Variants in CYP2C8 observed in about 807,000 individuals in gnomAD.
CYP2C8 encodes the protein cytochrome P450 2C8.
Under a neutral mutation model 41.3 loss-of-function variants are expected in CYP2C8, and 51 were observed. The observed-to-expected ratio is 1.24, with a 90% CI of 0.99 to 1.56. CYP2C8 has a LOEUF of 1.56. Among genes scored for constraint, CYP2C8 ranks in the 40% most tolerant of loss-of-function variants. CYP2C8 has a pLI of 0.00. For synonymous variants in CYP2C8, 218 were observed against 205.8 expected (o/e 1.06, Z -0.51); for missense variants, 651 against 579.9 (o/e 1.12, Z -1.26).
At chr10:95,050,702 A>G (rs2033196666) in intron 5 of CYP2C8, among the ~76,000 whole-genome samples, 1 of 152,224 alleles carries the variant, frequency 6.6e-6, no homozygotes, top group African/African-American at 2.4e-5. Context: ...GAACCACTGC[A>G]TTATTGGGCT....
At chr10:95,064,037 C>T (rs1453676790) in intron 4 of CYP2C8, among the ~76,000 whole-genome samples, 2 of 152,176 alleles carry the variant, frequency 1.3e-5, no homozygotes, top group Non-Finnish European at 2.9e-5. Flanking sequence ...CAGTCTGCCC[C>T]TACTAGGGGG....
chr10:95,044,024 A>C (rs1318829467), intron 6 of CYP2C8, among the ~76,000 whole-genome samples: 1 of 152,148 alleles, frequency 6.6e-6, no homozygotes, highest in African/African-American at 2.4e-5. Context: ...ACTATCAATC[A>C]CATCTCTTTG....
Position 95,038,914 on chromosome 10 carries a change from A to C in CYP2C8, c.1274T>G (p.Phe425Cys). The C allele has an allele frequency of 6.2e-7, 1 of 1,613,958 alleles. No individual in the cohort carries two copies. The highest frequency in any genetic ancestry group is 8.5e-7 in the Non-Finnish European group (1 of 1,179,802). ...KNGNFKKSDY[F>C]MPFSAGKRIC... is the part of the protein sequence containing the mutation. ...TCTATTACCTGCTGAGAAAGGCATGAAGTAGTCACTTTTCTTAAAGTTGCC... is the reference window on the plus strand; with the variant it reads ...TCTATTACCTGCTGAGAAAGGCATGCAGTAGTCACTTTTCTTAAAGTTGCC... Residue 425 changes from phenylalanine (F) to cysteine (C), a missense_variant, in exon 8 of 9, where the codon TTC (phenylalanine) becomes TGC (cysteine). Phe to Cys is a radical substitution (Grantham distance 205). Coordinates refer to ENST00000371270, the MANE Select transcript of CYP2C8 (RefSeq NM_000770.3).
At position 95,064,980 on chromosome 10, in the gene CYP2C8, T is replaced by A. The variant is rs772156563; in HGVS notation, c.482-20A>T. The A allele has an allele frequency of 5.0e-5, 72 of 1,435,758 alleles. No individual in the cohort carries two copies. The highest frequency in any genetic ancestry group is 3.1e-4 in the South Asian group (17 of 55,080). 88.9% of individuals were successfully genotyped at this position (1,435,758 alleles called of 1,614,324 possible). Reference sequence around the variant, plus strand: ...GTGAAGCTAAAGATTTAAAAATTTTTAAAAAAATTATTAAAAAATAAATAT... The same window carrying A: ...GTGAAGCTAAAGATTTAAAAATTTTAAAAAAAATTATTAAAAAATAAATAT... On this transcript the variant is annotated intron_variant, in intron 3 of 8. Transcript: ENST00000371270.
At chr10:95,051,501 C>T (rs564268144) in intron 5 of CYP2C8, among the ~76,000 whole-genome samples, 228 of 152,036 alleles carry the variant, frequency 1.5e-3, no homozygotes, top group Non-Finnish European at 2.9e-3. Flanking sequence ...TATCTAAGTA[C>T]AAGAAGCTGA....
At chr10:95,060,047 C>A (rs552375939) in intron 4 of CYP2C8, among the ~76,000 whole-genome samples, 5 of 152,170 alleles carry the variant, frequency 3.3e-5, no homozygotes, top group African/African-American at 9.7e-5. Context: ...GTTAATGCAG[C>A]CTTGTAGAAT....
At chr10:95,054,205 G>C (rs1215897104) in intron 5 of CYP2C8, among the ~76,000 whole-genome samples, 1 of 151,840 alleles carries the variant, frequency 6.6e-6, no homozygotes, top group Non-Finnish European at 1.5e-5. Flanking sequence ...TAAGGATTAT[G>C]TGCCATAACT....
rs373001219 is a variant in CYP2C8 at position 95,069,396 on chromosome 10, G to T, written c.7C>A (p.Pro3Thr). The T allele has an allele frequency of 8.1e-6, 13 of 1,614,058 alleles. No homozygotes were observed. The highest frequency in any genetic ancestry group is 1.3e-5 in the African/African-American group (1 of 75,024). Reference sequence around the variant, plus strand: ...AGACACAGCACCAGGACCACAAAAGGTTCCATTGAAGCCTTCTCTTCTTAT... The same window carrying T: ...AGACACAGCACCAGGACCACAAAAGTTTCCATTGAAGCCTTCTCTTCTTAT... ME[P>T]FVVLVLCLSF... The change falls in exon 1 of 9, where the codon CCT (proline) becomes ACT (threonine). Residue 3 changes from proline to threonine, a missense_variant. Coordinates refer to ENST00000371270, the MANE Select transcript of CYP2C8 (RefSeq NM_000770.3).
chr10:95,044,231 G>C (rs1047845339), intron 6 of CYP2C8, among the ~76,000 whole-genome samples: 4 of 152,176 alleles, frequency 2.6e-5, no homozygotes, highest in Non-Finnish European at 2.9e-5. Context: ...ACTTAGTATA[G>C]AGGGTAAAAT....
intron 7 of CYP2C8, 27 bp from the exon 8 acceptor site, chr10:95,039,065 A>C (rs1316695644): frequency 1.2e-6 from 2 of 1,606,932 alleles, no homozygotes; most frequent in East Asian, 4.5e-5. Context: ...AGATAATCTG[A>C]TTTATAAAGA....
intron 4 of CYP2C8, among the ~76,000 whole-genome samples, chr10:95,059,083 G>C (rs1388885272): frequency 6.6e-6 from 1 of 152,122 alleles, no homozygotes; most frequent in South Asian, 2.1e-4. Context: ...TTGCTATTGT[G>C]AATAGTGCCA....
chr10:95,061,220 C>T (rs889427093), intron 4 of CYP2C8, among the ~76,000 whole-genome samples: 1 of 152,156 alleles, frequency 6.6e-6, no homozygotes, highest in Non-Finnish European at 1.5e-5. Context: ...GGAATGGTAC[C>T]AGCTCCTCCT....
chr10:95,065,025 T>G, intron 3 of CYP2C8, 65 bp from the exon 4 acceptor site: 4 of 1,296,632 alleles, frequency 3.1e-6, no homozygotes, highest in Non-Finnish European at 4.0e-6. Context: ...TTGCATTTGT[T>G]AAGACATAAA....
chr10:95,051,863 T>C (rs948875906), intron 5 of CYP2C8, among the ~76,000 whole-genome samples: 3 of 151,840 alleles, frequency 2.0e-5, no homozygotes, highest in South Asian at 2.1e-4. Context: ...ACTATCAAAA[T>C]AGAAGAAAAA....
intron 4 of CYP2C8, among the ~76,000 whole-genome samples, chr10:95,064,073 G>T (rs1232213085): frequency 2.0e-5 from 3 of 152,174 alleles, no homozygotes; most frequent in Admixed American, 1.3e-4. Context: ...CTATTCAGGG[G>T]TCAGGGACCC....
Position 95,045,855 on chromosome 10 carries a change from G to T in CYP2C8, c.916C>A (p.Leu306Met), listed in dbSNP as rs768402831. ...AGCAGGAGCAGGAGTCCATATCTCA[G>T]AGTGGTGCTTGTTGTCTCTGTTCCA... is the stretch of plus-strand genomic sequence containing the variant. ...VAGTETTSTT[L>M]RYGLLLLLKH... is the part of the protein sequence containing the mutation. Residue 306 changes from leucine (L) to methionine (M), a missense_variant, in exon 6 of 9, where the codon CTG becomes ATG. Physicochemically the swap from Leu to Met is conservative, Grantham distance 15. Transcript: ENST00000371270. 4.3e-6 allele frequency: 7 copies of T among 1,613,948 alleles called. No homozygotes were observed. The East Asian group carries it at 1.6e-4, about 36-fold the overall frequency.
chr10:95,065,083 C>CA (rs908710088), intron 3 of CYP2C8, 123 bp from the exon 4 acceptor site: 75 of 860,650 alleles, frequency 8.7e-5, no homozygotes, highest in South Asian at 1.9e-4. Flanking sequence ...CCCATGTGTC[C>CA]AAAAAAAATC....
chr10:95,040,616 C>CA (rs1266454878), intron 7 of CYP2C8, among the ~76,000 whole-genome samples: 4 of 152,110 alleles, frequency 2.6e-5, no homozygotes, highest in Non-Finnish European at 4.4e-5. Flanking sequence ...TAATTGGCCC[C>CA]AGTGACGGAA....
At chr10:95,047,021 C>T (rs1253978546) in intron 5 of CYP2C8, among the ~76,000 whole-genome samples, 2 of 152,126 alleles carry the variant, frequency 1.3e-5, no homozygotes, top group Non-Finnish European at 2.9e-5. Context: ...TTGATGTTAT[C>T]CTGATAATAA....
Sources: gnomAD v4.1 joint callset for allele counts (sites outside exome capture counted in the v4.1 genomes callset) on GRCh38, gnomAD v4.1.1 for gene constraint, MANE v1.5 for transcripts, NCBI Gene and HGNC (gene_info 2026-07-23, HGNC 2026-07-21) for gene names.